Variants in PDE3B observed in about 807,000 individuals in gnomAD.
PDE3B encodes the protein cGMP-inhibited 3',5'-cyclic phosphodiesterase 3B.
In PDE3B, 66 loss-of-function variants were observed where a neutral mutation model predicts 116.8. The observed-to-expected ratio is 0.56, with a 90% CI of 0.46 to 0.69. The LOEUF (loss-of-function observed/expected upper bound fraction) is 0.69, where lower values mean the gene tolerates loss of function less well. Among genes scored for constraint, PDE3B ranks in the 30% least tolerant of loss-of-function variants. PDE3B has a pLI of 0.00. For missense variants in PDE3B, 1,384 were observed against 1,368.1 expected (o/e 1.01, Z -0.18); for synonymous variants, 595 against 533.6 (o/e 1.12, Z -1.59).
At chr11:14,843,447 A>C (rs1029256946) in intron 11 of PDE3B, among the ~76,000 whole-genome samples, 1 of 152,186 alleles carries the variant, frequency 6.6e-6, no homozygotes, top group Non-Finnish European at 1.5e-5. Flanking sequence ...TGTTTTCATC[A>C]AATTTTATTC....
At chr11:14,667,215 A>G (rs908956391) in intron 1 of PDE3B, among the ~76,000 whole-genome samples, 1 of 150,004 alleles carries the variant, frequency 6.7e-6, no homozygotes, top group Non-Finnish European at 1.5e-5. Context: ...ATTCTCACTC[A>G]TAGGTGGGAA....
At chr11:14,672,740 G>A (rs1184669981) in intron 1 of PDE3B, among the ~76,000 whole-genome samples, 1 of 152,010 alleles carries the variant, frequency 6.6e-6, no homozygotes, top group Non-Finnish European at 1.5e-5. Flanking sequence ...CAGTGGGGAA[G>A]GGGAAAGAGA....
At chr11:14,670,896 A>C (rs1192075028) in intron 1 of PDE3B, among the ~76,000 whole-genome samples, 1 of 151,156 alleles carries the variant, frequency 6.6e-6, no homozygotes, top group African/African-American at 2.4e-5. Context: ...TTTTCAAGAG[A>C]CAGAGTCTCA....
intron 1 of PDE3B, among the ~76,000 whole-genome samples, chr11:14,757,782 T>G (rs1186651356): frequency 6.6e-6 from 1 of 151,016 alleles, no homozygotes; most frequent in East Asian, 1.9e-4. Flanking sequence ...TAGTTTCTTT[T>G]GCTGTGCAGA....
intron 1 of PDE3B, among the ~76,000 whole-genome samples, chr11:14,687,487 A>G (rs1043772995): frequency 5.9e-5 from 9 of 152,228 alleles, no homozygotes; most frequent in Non-Finnish European, 1.0e-4. Context: ...TGGGGAGACA[A>G]TAGAACTATG....
rs190489444 is a variant in PDE3B at position 14,667,535 on chromosome 11, G to A, written c.978+22482G>A. On this transcript the variant is annotated intron_variant, in intron 1 of 15. Coordinates refer to ENST00000282096, the MANE Select transcript of PDE3B (RefSeq NM_000922.4). ...AAAAAAGGATGAGTTCATGGCCTTC[G>A]TAGGGACATGGATGAAGCTGGAAAC... Among the ~76,000 whole-genome samples the A allele has an allele frequency of 1.3e-3, 191 of 151,740 alleles. 1 individual carries two copies. Among genetic ancestry groups the A allele is most frequent in the African/African-American group, 4.2e-3 (175 of 41,370 alleles).
the PDE3B span, chr11:14,880,803 AC>A: frequency 6.4e-7 from 1 of 1,565,520 alleles, no homozygotes; most frequent in Non-Finnish European, 8.6e-7. Context: ...TATAATTCCT[AC>A]TTCTCTGTAT....
chr11:14,693,573 A>G (rs557045678), intron 1 of PDE3B, among the ~76,000 whole-genome samples: 4 of 152,326 alleles, frequency 2.6e-5, no homozygotes, highest in African/African-American at 9.6e-5. Flanking sequence ...TGTAAGCAGA[A>G]CAACAAAGCC....
chr11:14,889,164 G>T, the PDE3B span, among the ~76,000 whole-genome samples: 39 of 140,200 alleles, frequency 2.8e-4, no homozygotes, highest in East Asian at 1.0e-3. Flanking sequence ...AAGTCCAGTT[G>T]TTTTTTTTTT....
chr11:14,697,863 A>G (rs1855256875), intron 1 of PDE3B, among the ~76,000 whole-genome samples: 1 of 152,018 alleles, frequency 6.6e-6, no homozygotes, highest in South Asian at 2.1e-4. Context: ...TGTTGTTGTT[A>G]GAAATAGAAA....
chr11:14,704,933 C>T lies in PDE3B; in HGVS notation c.978+59880C>T, dbSNP rs1855484391. Among the ~76,000 whole-genome samples, 3 of 151,380 alleles carry T rather than the reference C, an allele frequency of 2.0e-5. No individual in the cohort carries two copies. In the South Asian group the frequency reaches 6.2e-4, roughly 31 times the overall value. On this transcript the variant is annotated intron_variant, in intron 1 of 15. Transcript: ENST00000282096. ...AAGAAAATTAAAAGATAAGGGTTAA[C>T]ATAGGAAAAATATTTATAATACATA...
chr11:14,734,273 G>A (rs1024464716), intron 1 of PDE3B, among the ~76,000 whole-genome samples: 2 of 152,102 alleles, frequency 1.3e-5, no homozygotes, highest in Non-Finnish European at 2.9e-5. Flanking sequence ...GGGTCCCACT[G>A]TGTTTCCCAG....
intron 1 of PDE3B, among the ~76,000 whole-genome samples, chr11:14,651,314 C>A (rs758486253): frequency 2.0e-5 from 3 of 152,130 alleles, no homozygotes; most frequent in Non-Finnish European, 4.4e-5. Flanking sequence ...TTCTAAGGAT[C>A]CAGGTCATAT....
chr11:14,762,450 G>A (rs1857387972), intron 1 of PDE3B, among the ~76,000 whole-genome samples: 1 of 152,094 alleles, frequency 6.6e-6, no homozygotes, highest in Non-Finnish European at 1.5e-5. Context: ...AATCTTTATT[G>A]AACTTTCCTG....
At chr11:14,862,512 A>AT (rs1847969319) in intron 14 of PDE3B, among the ~76,000 whole-genome samples, 1 of 152,250 alleles carries the variant, frequency 6.6e-6, no homozygotes, top group Non-Finnish European at 1.5e-5. Context: ...AGAGGGCTAC[A>AT]AAATGGAGAG....
At chr11:14,825,927 C>T (rs1392442778) in intron 7 of PDE3B, among the ~76,000 whole-genome samples, 1 of 152,046 alleles carries the variant, frequency 6.6e-6, no homozygotes, top group Non-Finnish European at 1.5e-5. Flanking sequence ...TACTCCTGGA[C>T]CACAGTGCAA....
intron 1 of PDE3B, among the ~76,000 whole-genome samples, chr11:14,750,524 A>G (rs190516374): frequency 2.2e-3 from 338 of 152,144 alleles, no homozygotes; most frequent in Middle Eastern, 3.4e-3. Flanking sequence ...CTTAATGTGA[A>G]TATTATATAT....
intron 1 of PDE3B, among the ~76,000 whole-genome samples, chr11:14,723,347 C>T (rs1240228460): frequency 6.6e-6 from 1 of 152,186 alleles, no homozygotes; most frequent in Non-Finnish European, 1.5e-5. Flanking sequence ...GACAGAACCT[C>T]AGATCTCATG....
At chr11:14,649,194 C>A (rs944049996) in intron 1 of PDE3B, among the ~76,000 whole-genome samples, 13 of 152,112 alleles carry the variant, frequency 8.5e-5, no homozygotes, top group African/African-American at 3.1e-4. Flanking sequence ...CTCATTCTTT[C>A]TCTTTTCCCT....
Sources: allele counts gnomAD v4.1 joint callset (sites outside exome capture counted in the v4.1 genomes callset), GRCh38; gene constraint gnomAD v4.1.1; transcripts MANE v1.5; gene names NCBI Gene and HGNC (gene_info 2026-07-23, HGNC 2026-07-21).